DYNC1LI2: variants seen among roughly 807,000 people sequenced by gnomAD.
DYNC1LI2 encodes the protein dynein cytoplasmic 1 light intermediate chain 2, also known as cytoplasmic dynein 1 light intermediate chain 2.
DYNC1LI2 carries 19 observed loss-of-function variants against 57.8 expected under a neutral mutation model. That is an observed-to-expected ratio of 0.33 (90% CI 0.23 to 0.48). DYNC1LI2 has a LOEUF of 0.48. DYNC1LI2 is among the 20% of genes least tolerant of loss of function. DYNC1LI2 has a pLI of 0.99. For synonymous variants in DYNC1LI2, 256 were observed against 233.4 expected (o/e 1.10, Z -0.88); for missense variants, 470 against 604.2 (o/e 0.78, Z 2.33).
chr16:66,751,517 C>G lies in DYNC1LI2; in HGVS notation c.75G>C (p.Leu25=), dbSNP rs762770003. ...NGPAVAAAGD[L]TSEEEEGQSL... ...TCTGGCCTTCCTCCTCCTCACTGGTCAGGTCGCCGGCGGCCGCCACCGCGG... is the reference window on the plus strand; with the variant it reads ...TCTGGCCTTCCTCCTCCTCACTGGTGAGGTCGCCGGCGGCCGCCACCGCGG... The change falls in exon 1 of 13, where the codon CTG becomes CTC. Residue 25 remains leucine (L), a synonymous_variant. Transcript: ENST00000258198. The surrounding 1 kb of genome is among the most constrained non-coding windows in gnomAD (Gnocchi z 5.2). 4 of 1,589,156 alleles carry G rather than the reference C, an allele frequency of 2.5e-6. No individual in the cohort carries two copies. The highest frequency in any genetic ancestry group is 3.4e-6 in the Non-Finnish European group (4 of 1,170,128).
At chr16:66,747,700 G>C (rs2017962711) in intron 3 of DYNC1LI2, among the ~76,000 whole-genome samples, 1 of 151,406 alleles carries the variant, frequency 6.6e-6, no homozygotes, top group Non-Finnish European at 1.5e-5. Flanking sequence ...CTCCAGAGTA[G>C]CTGGGGCTAC....
At chr16:66,730,016 T>A in intron 8 of DYNC1LI2, 96 bp downstream of exon 8, 1 of 991,800 alleles carries the variant, frequency 1.0e-6, no homozygotes, top group Non-Finnish European at 1.5e-6. Context: ...CCTGACCTCA[T>A]GTGATCTGCC....
intron 3 of DYNC1LI2, 149 bp downstream of exon 3, chr16:66,749,048 A>C (rs1348257128): frequency 1.5e-5 from 11 of 756,794 alleles, no homozygotes; most frequent in African/African-American, 1.7e-5. Context: ...AGTCCTGCAA[A>C]AGATACGTAC....
chr16:66,725,127 A>T (rs576439799), intron 12 of DYNC1LI2, among the ~76,000 whole-genome samples: 13 of 147,154 alleles, frequency 8.8e-5, no homozygotes, highest in Non-Finnish European at 1.9e-4. Context: ...GTGAGTTGAG[A>T]TCATGCCACT....
Position 66,721,119 on chromosome 16 carries a change from G to C in DYNC1LI2, c.*2603C>G, listed in dbSNP as rs142105386. The C allele has an allele frequency of 1.3e-5, 2 of 152,676 alleles. No individual in the cohort carries two copies. The highest frequency in any genetic ancestry group is 1.9e-4 in the East Asian group (1 of 5,172). The allele number at this position is 152,676 out of a possible 1,614,324, so 9.5% of individuals were successfully genotyped here. A position where few individuals can be genotyped will look rare whatever the true frequency, so the allele number is the denominator to read the frequency against. On this transcript the variant is annotated 3_prime_UTR_variant, in exon 13 of 13. Transcript: ENST00000258198. ...AACTTTCACTTACAGCATTAACATT[G>C]TTAAGGTCATGATGTACAGAGCAGT... is the stretch of plus-strand genomic sequence containing the variant.
chr16:66,729,018 C>G, intron 9 of DYNC1LI2, 22 bp downstream of exon 9: 1 of 1,613,958 alleles, frequency 6.2e-7, no homozygotes, highest in Non-Finnish European at 8.5e-7. Flanking sequence ...GGCCTCTGTT[C>G]TAACCTCACT....
At chr16:66,743,143 C>G (rs2017870437) in intron 3 of DYNC1LI2, among the ~76,000 whole-genome samples, 1 of 151,664 alleles carries the variant, frequency 6.6e-6, no homozygotes, top group Non-Finnish European at 1.5e-5. Flanking sequence ...GCCTGGGCAA[C>G]AGAATGAGAG....
chr16:66,743,789 G>A (rs1027906764), intron 3 of DYNC1LI2, among the ~76,000 whole-genome samples: 8 of 152,164 alleles, frequency 5.3e-5, no homozygotes, highest in African/African-American at 1.9e-4. Context: ...ATGCCAAAGA[G>A]ACAGAACCTT....
chr16:66,742,363 G>A, intron 4 of DYNC1LI2, 75 bp downstream of exon 4: 2 of 1,466,190 alleles, frequency 1.4e-6, no homozygotes, highest in Non-Finnish European at 1.9e-6. Flanking sequence ...CTCTAGGATT[G>A]GGAAAAGGAA....
intron 3 of DYNC1LI2, among the ~76,000 whole-genome samples, chr16:66,747,252 T>A (rs1470666681): frequency 6.6e-6 from 1 of 151,854 alleles, no homozygotes; most frequent in Non-Finnish European, 1.5e-5. Context: ...CTAATTTTTG[T>A]ATTTTTACTA....
Position 66,723,059 on chromosome 16 carries a change from C to G in DYNC1LI2, c.*663G>C. 1 of 334,770 alleles carries G rather than the reference C, an allele frequency of 3.0e-6. No individual in the cohort carries two copies. Among genetic ancestry groups the G allele is most frequent in the Non-Finnish European group, 5.9e-6 (1 of 170,282 alleles). The allele number at this position is 334,770 out of a possible 1,614,324, so 20.7% of individuals were successfully genotyped here. A position where few individuals can be genotyped will look rare whatever the true frequency, so the allele number is the denominator to read the frequency against. On this transcript the variant is annotated 3_prime_UTR_variant, in exon 13 of 13. Transcript: ENST00000258198. ...GTTCCCACCCCTGGGTCAGCTCCGCCTGACTCAGGCACCCCCACAATTAGT... is the reference window on the plus strand; with the variant it reads ...GTTCCCACCCCTGGGTCAGCTCCGCGTGACTCAGGCACCCCCACAATTAGT...
chr16:66,741,226 G>C (rs1176109649), intron 4 of DYNC1LI2, among the ~76,000 whole-genome samples: 2 of 152,178 alleles, frequency 1.3e-5, no homozygotes, highest in African/African-American at 2.4e-5. Flanking sequence ...CCACTCATCT[G>C]GGTACAAAGC....
chr16:66,747,106 G>A (rs1366319687), intron 3 of DYNC1LI2, among the ~76,000 whole-genome samples: 1 of 147,358 alleles, frequency 6.8e-6, no homozygotes, highest in African/African-American at 2.5e-5. Context: ...TTGAGACAGA[G>A]TCTCACTCTG....
chr16:66,721,438 A>AG lies in DYNC1LI2; in HGVS notation c.*2283_*2284insC, dbSNP rs1213849691. On this transcript the variant is annotated 3_prime_UTR_variant, in exon 13 of 13. Coordinates refer to ENST00000258198, the MANE Select transcript of DYNC1LI2 (RefSeq NM_006141.3). ...TCTACCATACAAGTGTACTCTGCAA[A>AG]TAAAATGAATTTTACTTTAAAAACT... 1 of 152,636 alleles carries AG rather than the reference A, an allele frequency of 6.6e-6. No homozygotes were observed. The highest frequency in any genetic ancestry group is 2.4e-5 in the African/African-American group (1 of 41,444). The allele number at this position is 152,636 out of a possible 1,614,324, so 9.5% of individuals were successfully genotyped here. A position where few individuals can be genotyped will look rare whatever the true frequency, so the allele number is the denominator to read the frequency against.
At chr16:66,746,370 G>C (rs1406641620) in intron 3 of DYNC1LI2, among the ~76,000 whole-genome samples, 1 of 152,114 alleles carries the variant, frequency 6.6e-6, no homozygotes, top group Non-Finnish European at 1.5e-5. Context: ...TTCTCTACCT[G>C]GGTAACTGCT....
chr16:66,728,914 G>C, intron 9 of DYNC1LI2, 126 bp downstream of exon 9: 1 of 944,140 alleles, frequency 1.1e-6, no homozygotes, highest in Non-Finnish European at 1.7e-6. Flanking sequence ...AGGAGACCTG[G>C]TCTCAACCCC....
chr16:66,729,941 C>T (rs2017605989), intron 8 of DYNC1LI2, among the ~76,000 whole-genome samples, 171 bp downstream of exon 8: 2 of 152,026 alleles, frequency 1.3e-5, no homozygotes, highest in African/African-American at 2.4e-5. Flanking sequence ...GCCACCATAC[C>T]CAGCTAATTT....
intron 11 of DYNC1LI2, 82 bp downstream of exon 11, chr16:66,727,606 G>T: frequency 1.5e-6 from 2 of 1,375,496 alleles, no homozygotes; most frequent in Non-Finnish European, 2.0e-6. Context: ...CCACCTTATA[G>T]ACTCAGCCAC....
In DYNC1LI2 at chr16:66,723,556, GCATTTCACACTCGGA is replaced by G. The variant is rs2017484785; in HGVS notation, c.*151_*165del. The G allele has an allele frequency of 1.5e-6, 1 of 659,920 alleles. No individual in the cohort carries two copies. The highest frequency in any genetic ancestry group is 2.6e-5 in the Admixed American group (1 of 37,774). The allele number at this position is 659,920 out of a possible 1,614,324, so 40.9% of individuals were successfully genotyped here. On this transcript the variant is annotated 3_prime_UTR_variant, in exon 13 of 13. Coordinates refer to ENST00000258198, the MANE Select transcript of DYNC1LI2 (RefSeq NM_006141.3). The stretch of plus-strand genomic sequence containing the variant: ...TCTGACATGTAACCTTCCTAAATGT[GCATTTCACACTCGGA>G]CAAGCCAATGAAGTTTTTTTTTTTT...
Sources: gnomAD v4.1 joint callset for allele counts (sites outside exome capture counted in the v4.1 genomes callset) on GRCh38, gnomAD v4.1.1 for gene constraint, Gnocchi (gnomAD v3.1) non-coding constraint, MANE v1.5 for transcripts, NCBI Gene and HGNC (gene_info 2026-07-23, HGNC 2026-07-21) for gene names.